EML5: variants seen among roughly 807,000 people sequenced by gnomAD.
EML5 encodes echinoderm microtubule-associated protein-like 5.
EML5 carries 120 observed loss-of-function variants against 250.0 expected under a neutral mutation model. That is an observed-to-expected ratio of 0.48 (90% CI 0.41 to 0.56). The LOEUF (loss-of-function observed/expected upper bound fraction) is 0.56, where lower values mean the gene tolerates loss of function less well. Ranked by LOEUF, EML5 falls within the 20% of genes least tolerant of loss-of-function variation. The pLI is 0.00. For synonymous variants in EML5, 771 were observed against 806.5 expected, an observed-to-expected ratio of 0.96 and a Z score of 0.75; for missense variants, 2,006 against 2,437.6, an observed-to-expected ratio of 0.82 and a Z score of 3.73.
Position 88,651,164 on chromosome 14 carries a change from T to C in EML5, c.4005-1238A>G, listed in dbSNP as rs983222520. Among the ~76,000 whole-genome samples the C allele has an allele frequency of 2.9e-3, 428 of 148,816 alleles. 3 individuals are homozygous for C. The highest frequency in any genetic ancestry group is 0.01 in the African/African-American group (415 of 40,790). On this transcript the variant is annotated intron_variant, in intron 27 of 43. Coordinates refer to ENST00000554922, the MANE Select transcript of EML5 (RefSeq NM_183387.3). ...CTGCCTTGTCATTTTCTTTTTTTTT[T>C]TTTTTTTTTTTTTAAGGCAAAGAGT...
intron 25 of EML5, among the ~76,000 whole-genome samples, chr14:88,659,435 C>A (rs970726743): frequency 1.3e-5 from 2 of 152,172 alleles, no homozygotes; most frequent in Admixed American, 1.3e-4. Context: ...TGGTCTCGAA[C>A]TCCTGACCTC....
chr14:88,759,803 G>A (rs946685803), intron 1 of EML5, among the ~76,000 whole-genome samples: 4 of 151,984 alleles, frequency 2.6e-5, no homozygotes, highest in African/African-American at 9.7e-5. Context: ...AAAGGATAGG[G>A]TGGGTCCGTG....
At chr14:88,773,064 T>G (rs550114940) in intron 1 of EML5, among the ~76,000 whole-genome samples, 37 of 152,260 alleles carry the variant, frequency 2.4e-4, no homozygotes, top group Non-Finnish European at 4.7e-4. Context: ...GGTATCTGCA[T>G]GCCAGTGTTA....
chr14:88,726,414 G>T, intron 8 of EML5, 127 bp downstream of exon 8: 1 of 569,078 alleles, frequency 1.8e-6, no homozygotes, highest in Non-Finnish European at 2.7e-6. Flanking sequence ...AATAAGAAGG[G>T]GAAGAGAAAA....
intron 23 of EML5, among the ~76,000 whole-genome samples, 174 bp downstream of exon 23, chr14:88,664,319 A>G (rs1363352578): frequency 6.6e-6 from 1 of 151,810 alleles, no homozygotes; most frequent in East Asian, 1.9e-4. Flanking sequence ...GAAAAGTCTC[A>G]ACTCTATAGT....
intron 14 of EML5, 38 bp from the exon 15 acceptor site, chr14:88,696,990 ATTAT>A (rs756095818): frequency 7.6e-7 from 1 of 1,307,966 alleles, no homozygotes; most frequent in Admixed American, 2.5e-5. Context: ...ATACAATTAA[ATTAT>A]TTATTTCCAT....
chr14:88,762,521 A>AAAAGAAAC (rs1243477361), intron 1 of EML5, among the ~76,000 whole-genome samples: 5 of 151,924 alleles, frequency 3.3e-5, no homozygotes, highest in African/African-American at 7.2e-5. Flanking sequence ...GGGGGAAAAA[A>AAAAGAAAC]AAAGAAACTT....
At position 88,613,086 on chromosome 14, in the gene EML5, G is replaced by A. The variant is rs2087051406; in HGVS notation, c.*2732C>T. On this transcript the variant is annotated 3_prime_UTR_variant, in exon 44 of 44. Transcript: ENST00000554922. Reference sequence around the variant, plus strand: ...AAGATTGTCAAGCCAGCAGTCTACTGTTGTGTTGCCATTGCTTTTCCATTG... The same window carrying A: ...AAGATTGTCAAGCCAGCAGTCTACTATTGTGTTGCCATTGCTTTTCCATTG... The A allele has an allele frequency of 1.3e-5, 2 of 152,376 alleles. No homozygotes were observed. Among genetic ancestry groups the A allele is most frequent in the Admixed American group, 1.3e-4 (2 of 15,278 alleles). 9.4% of individuals were successfully genotyped at this position (152,376 alleles called of 1,614,324 possible). A position where few individuals can be genotyped will look rare whatever the true frequency, so the allele number is the denominator to read the frequency against.
Position 88,776,234 on chromosome 14 carries a change from T to G in EML5, c.197+16073A>C, listed in dbSNP as rs150552722. Among the ~76,000 whole-genome samples the G allele has an allele frequency of 2.9e-3, 448 of 152,066 alleles. 3 individuals carry two copies. The highest frequency in any genetic ancestry group is 0.01 in the African/African-American group (434 of 41,464). On this transcript the variant is annotated intron_variant, in intron 1 of 43. Transcript: ENST00000554922. ...AGAATATCTACTAGCATCAACACCA[T>G]CCAAGAAAACATGACCTAACCAAAG...
intron 1 of EML5, among the ~76,000 whole-genome samples, chr14:88,761,551 A>G (rs1340860546): frequency 1.3e-5 from 2 of 152,342 alleles, no homozygotes; most frequent in Non-Finnish European, 2.9e-5. Context: ...GCTGCATAGC[A>G]TTCCATGGTG....
intron 8 of EML5, among the ~76,000 whole-genome samples, chr14:88,715,660 CTT>C (rs1020317324): frequency 2.7e-4 from 38 of 141,554 alleles, no homozygotes; most frequent in African/African-American, 5.4e-4. Flanking sequence ...TTCAGTAATA[CTT>C]TTTTTTTTTT....
chr14:88,645,023 T>G (rs1222386866), intron 29 of EML5, among the ~76,000 whole-genome samples: 10 of 149,504 alleles, frequency 6.7e-5, no homozygotes, highest in Non-Finnish European at 1.5e-4. Flanking sequence ...CAGCCTTTTC[T>G]CTTCTTTCTT....
chr14:88,630,760 T>C (rs541787219), intron 33 of EML5, among the ~76,000 whole-genome samples: 1 of 152,334 alleles, frequency 6.6e-6, no homozygotes, highest in East Asian at 1.9e-4. Context: ...AAGGATTTTT[T>C]TGCTTCTTTC....
rs1284036816 is a variant in EML5, at chr14:88,696,901, A to G, written c.2290T>C (p.Leu764=). 1 of 1,610,192 alleles carries G rather than the reference A, an allele frequency of 6.2e-7. No homozygotes were observed. Among genetic ancestry groups the G allele is most frequent in the South Asian group, 1.1e-5 (1 of 90,266 alleles). The change falls in exon 15 of 44, where the codon TTG becomes CTG. Residue 764 remains leucine (L), a synonymous_variant. Coordinates refer to ENST00000554922, the MANE Select transcript of EML5 (RefSeq NM_183387.3). ...HIWDTETIKP[L]SILKGHHQYG... ...TGGTGGTGGCCCTTTAATATGGACA[A>G]TGGTTTAATGGTCTCTGTATCCCAT...
chr14:88,703,533 A>T (rs1220596181), intron 13 of EML5, among the ~76,000 whole-genome samples: 1 of 152,242 alleles, frequency 6.6e-6, no homozygotes, highest in African/African-American at 2.4e-5. Flanking sequence ...TGCACTTCAA[A>T]GAAACCCAAT....
intron 42 of EML5, 95 bp downstream of exon 42, chr14:88,616,631 A>T: frequency 1.6e-6 from 2 of 1,261,440 alleles, no homozygotes; most frequent in Non-Finnish European, 1.1e-6. Context: ...TTTAGAAATT[A>T]GGACAAAACA....
At chr14:88,659,492 G>A (rs1034384793) in intron 25 of EML5, among the ~76,000 whole-genome samples, 17 of 152,190 alleles carry the variant, frequency 1.1e-4, no homozygotes, top group South Asian at 4.1e-4. Flanking sequence ...GATTATAGGC[G>A]TAAGCCACTG....
At chr14:88,743,920 T>C in intron 4 of EML5, 103 bp downstream of exon 4, 1 of 582,054 alleles carries the variant, frequency 1.7e-6, no homozygotes, top group Non-Finnish European at 2.8e-6. Context: ...TAAAAATAAG[T>C]ACTATCAAAA....
At chr14:88,628,770 T>A (rs1003810134) in intron 33 of EML5, among the ~76,000 whole-genome samples, 1 of 152,110 alleles carries the variant, frequency 6.6e-6, no homozygotes, top group African/African-American at 2.4e-5. Flanking sequence ...TTATACCATC[T>A]GCTATTTGTA....
Sources: allele counts gnomAD v4.1 joint callset (sites outside exome capture counted in the v4.1 genomes callset), GRCh38; gene constraint gnomAD v4.1.1; transcripts MANE v1.5; gene names NCBI Gene and HGNC (gene_info 2026-07-23, HGNC 2026-07-21).